SPATA13: variants seen among roughly 807,000 people sequenced by gnomAD.
SPATA13 encodes spermatogenesis associated 13, also known as spermatogenesis-associated protein 13.
Under a neutral mutation model 104.0 loss-of-function variants are expected in SPATA13, and 50 were observed. The observed-to-expected ratio is 0.48, with a 90% CI of 0.38 to 0.61. The LOEUF (loss-of-function observed/expected upper bound fraction) is 0.61, where lower values mean the gene tolerates loss of function less well. Among genes scored for constraint, SPATA13 ranks in the 20% least tolerant of loss-of-function variants. The probability of loss-of-function intolerance (pLI) is 0.00; values close to 1 mark genes in which losing one functional copy is unlikely to be tolerated. For missense variants in SPATA13, 1,524 were observed against 1,690.6 expected (o/e 0.90, Z 1.73); for synonymous variants, 606 against 667.5 (o/e 0.91, Z 1.42).
In SPATA13 at chr13:24,286,795, A is replaced by T; in HGVS notation, c.2512A>T (p.Asn838Tyr). ...AGTGAATCAGGAAGAGCTGTCGGAAAACTCCAGCAGCACCCCCAGTGAGGA... is the reference window on the plus strand; with the variant it reads ...AGTGAATCAGGAAGAGCTGTCGGAATACTCCAGCAGCACCCCCAGTGAGGA... ...LRVNQEELSENSSSTPSEEQD... is the reference protein window; with the variant it reads ...LRVNQEELSEYSSSTPSEEQD... The change falls in exon 7 of 13, where the codon AAC becomes TAC. Residue 838 changes from asparagine to tyrosine, a missense_variant. Around this residue, in one of 2 missense-constraint regions of SPATA13, gnomAD observed 1,089 missense variants for 1,135.9 expected, o/e 0.96. Transcript: ENST00000382108. The surrounding 1 kb of genome is among the most constrained non-coding windows in gnomAD (Gnocchi z 4.9). 2 of 1,613,594 alleles carry T rather than the reference A, an allele frequency of 1.2e-6. No individual in the cohort carries two copies. The highest frequency in any genetic ancestry group is 1.7e-6 in the Non-Finnish European group (2 of 1,179,942).
intron 3 of SPATA13, among the ~76,000 whole-genome samples, chr13:24,063,002 G>A (rs1245115253): frequency 6.6e-6 from 1 of 152,064 alleles, no homozygotes; most frequent in Non-Finnish European, 1.5e-5. Flanking sequence ...TCAGGACAAG[G>A]GACACACTTC....
intron 3 of SPATA13, among the ~76,000 whole-genome samples, chr13:24,024,576 C>T (rs76407234): frequency 0.027 from 4,046 of 152,010 alleles, 176 homozygotes; most frequent in African/African-American, 0.092. Context: ...CAGCACGGTT[C>T]TACAGAGCAG....
intron 3 of SPATA13, among the ~76,000 whole-genome samples, chr13:24,036,140 C>A (rs1472529475): frequency 6.6e-6 from 1 of 151,766 alleles, no homozygotes; most frequent in Non-Finnish European, 1.5e-5. Flanking sequence ...TTCAAAAATA[C>A]ATATTCACTT....
intron 3 of SPATA13, among the ~76,000 whole-genome samples, chr13:24,029,508 T>G (rs12427808): frequency 0.24 from 35,779 of 152,110 alleles, 4,440 homozygotes; most frequent in Admixed American, 0.28. Flanking sequence ...AAAAAAATTT[T>G]GTATGTTATT....
chr13:24,259,470 C>G (rs1470798734), intron 4 of SPATA13, among the ~76,000 whole-genome samples: 1 of 152,214 alleles, frequency 6.6e-6, no homozygotes. Flanking sequence ...GTTTAAGGCT[C>G]AGTGGTTTCA....
At chr13:24,155,312 G>A (rs1882226808) in intron 3 of SPATA13, among the ~76,000 whole-genome samples, 1 of 152,168 alleles carries the variant, frequency 6.6e-6, no homozygotes, top group Non-Finnish European at 1.5e-5. Flanking sequence ...GAACTTTAGG[G>A]CCTACTGTGT....
At chr13:24,055,222 CTTG>C (rs1192807019) in intron 3 of SPATA13, among the ~76,000 whole-genome samples, 1 of 152,190 alleles carries the variant, frequency 6.6e-6, no homozygotes, top group East Asian at 1.9e-4. Context: ...CAGTTTCTAT[CTTG>C]TTGTTGTTCT....
intron 5 of SPATA13, among the ~76,000 whole-genome samples, chr13:24,285,781 A>C (rs565943792): frequency 1.6e-4 from 24 of 151,820 alleles, no homozygotes; most frequent in African/African-American, 5.3e-4. Flanking sequence ...CCTGAGTTCA[A>C]GTGATTCTCC....
chr13:23,986,943 C>T (rs1021023415), intron 2 of SPATA13, among the ~76,000 whole-genome samples: 8 of 151,254 alleles, frequency 5.3e-5, no homozygotes, highest in African/African-American at 1.9e-4. Context: ...TACCATTTTA[C>T]ATTATGGGAA....
At position 24,246,911 on chromosome 13, in the gene SPATA13, G is replaced by A. The variant is rs78951179; in HGVS notation, c.1654-2566G>A. Among the ~76,000 whole-genome samples, 16 of 152,290 alleles carry A rather than the reference G, an allele frequency of 1.1e-4. No homozygotes were observed. In the East Asian group the frequency reaches 2.7e-3, roughly 26 times the overall value. On this transcript the variant is annotated intron_variant, in intron 2 of 12. Transcript: ENST00000382108. ...GTGGTTAGAATTTAAGCAGTATGTGGCATCTTACTAGGCCGGGAGAAGAGA... is the reference window on the plus strand; with the variant it reads ...GTGGTTAGAATTTAAGCAGTATGTGACATCTTACTAGGCCGGGAGAAGAGA...
At chr13:24,196,263 A>T (rs995511792) in intron 1 of SPATA13, among the ~76,000 whole-genome samples, 1 of 152,194 alleles carries the variant, frequency 6.6e-6, no homozygotes, top group Non-Finnish European at 1.5e-5. Flanking sequence ...GTGTTCCCTA[A>T]GAGTGAGGCT....
At chr13:24,231,935 C>A (rs1243161911) in intron 2 of SPATA13, among the ~76,000 whole-genome samples, 1 of 152,202 alleles carries the variant, frequency 6.6e-6, no homozygotes, top group Non-Finnish European at 1.5e-5. Context: ...ATCTTTTGCT[C>A]ATCATTTCAT....
rs1879793459 is a variant in SPATA13 at position 24,088,131 on chromosome 13, A to G, written c.-112+70430A>G. Among the ~76,000 whole-genome samples the G allele has an allele frequency of 1.3e-5, 2 of 152,218 alleles. No individual in the cohort carries two copies. Among genetic ancestry groups the G allele is most frequent in the South Asian group, 4.1e-4 (2 of 4,826 alleles). On this transcript the variant is annotated intron_variant, in intron 3 of 14. Transcript: ENST00000424834. This position sits in a 1 kb window ranked among gnomAD's most constrained non-coding sequence, Gnocchi z 4.3. ...ACTTCTGGACTTGTGGTCCTCACTCATTAAACGATGGTGGACTGTCATATG... is the reference window on the plus strand; with the variant it reads ...ACTTCTGGACTTGTGGTCCTCACTCGTTAAACGATGGTGGACTGTCATATG...
intron 3 of SPATA13, among the ~76,000 whole-genome samples, chr13:24,030,180 A>G (rs536285393): frequency 3.7e-4 from 57 of 152,224 alleles, no homozygotes; most frequent in African/African-American, 1.3e-3. Flanking sequence ...ACACTGACAC[A>G]TCATTGTCAC....
intron 2 of SPATA13, among the ~76,000 whole-genome samples, chr13:24,232,022 TATG>T (rs1872305383): frequency 6.6e-6 from 1 of 152,216 alleles, no homozygotes; most frequent in African/African-American, 2.4e-5. Flanking sequence ...TATCAGATAA[TATG>T]ATTATTCAGG....
At position 24,183,381 on chromosome 13, in the gene SPATA13, G is replaced by A. The variant is rs529899850; in HGVS notation, c.-112+22449G>A. On this transcript the variant is annotated intron_variant, in intron 1 of 12. Coordinates refer to ENST00000382108, the MANE Select transcript of SPATA13 (RefSeq NM_001166271.3). The stretch of plus-strand genomic sequence containing the variant: ...GACAGAACTAGAAACATTTAACAAC[G>A]GCATCATCATGCCTTAAGCTTAGTA... Among the ~76,000 whole-genome samples the A allele has an allele frequency of 1.2e-4, 19 of 152,194 alleles. No individual in the cohort carries two copies. The South Asian group carries it at 3.5e-3, about 28-fold the overall frequency.
At chr13:24,004,309 A>G (rs1014151589) in intron 2 of SPATA13, among the ~76,000 whole-genome samples, 1 of 152,150 alleles carries the variant, frequency 6.6e-6, no homozygotes, top group Non-Finnish European at 1.5e-5. Flanking sequence ...TTGTACCAAC[A>G]CCTATCTGCG....
chr13:24,179,676 C>T (rs1868678274), intron 1 of SPATA13, among the ~76,000 whole-genome samples: 1 of 152,180 alleles, frequency 6.6e-6, no homozygotes, highest in African/African-American at 2.4e-5. Context: ...ACACTTTTTC[C>T]CATCTGCTTT....
At chr13:24,300,795 C>T (rs548578960) in intron 12 of SPATA13, among the ~76,000 whole-genome samples, 2 of 152,304 alleles carry the variant, frequency 1.3e-5, no homozygotes, top group African/African-American at 4.8e-5. Context: ...CACAAGGTCA[C>T]GCACATCCCC....
Sources: allele counts gnomAD v4.1 joint callset (sites outside exome capture counted in the v4.1 genomes callset), GRCh38; gene constraint gnomAD v4.1.1; regional missense constraint gnomAD v4.1.1; non-coding constraint Gnocchi (gnomAD v3.1); transcripts MANE v1.5; gene names NCBI Gene and HGNC (gene_info 2026-07-23, HGNC 2026-07-21).